ADAM10: variants seen among roughly 807,000 people sequenced by gnomAD.
ADAM10 encodes the protein disintegrin and metalloproteinase domain-containing protein 10.
In ADAM10, 17 loss-of-function variants were observed where a neutral mutation model predicts 90.1. The ratio of observed to expected loss-of-function variants is 0.19; its 90% CI spans 0.13 to 0.28. The LOEUF is 0.28. ADAM10 is among the 10% of genes least tolerant of loss of function. The probability of loss-of-function intolerance (pLI) is 1.00; values close to 1 mark genes in which losing one functional copy is unlikely to be tolerated. For missense variants in ADAM10, 610 were observed against 914.3 expected (o/e 0.67, Z 4.29); for synonymous variants, 310 against 298.6 (o/e 1.04, Z -0.40).
Position 58,691,225 on chromosome 15 carries a change from C to T in ADAM10, c.207-8911G>A, listed in dbSNP as rs187454168. ...AGCCTGCAGAGGTTCTCAAACTTTACGTTGCTCTCCTCCATTATCTTCTTC... is the reference window on the plus strand; with the variant it reads ...AGCCTGCAGAGGTTCTCAAACTTTATGTTGCTCTCCTCCATTATCTTCTTC... On this transcript the variant is annotated intron_variant, in intron 2 of 15. Transcript: ENST00000260408. The T allele has an allele frequency of 2.2e-5, 19 of 852,732 alleles. No homozygotes were observed. In the Admixed American group the frequency reaches 2.6e-4, roughly 12 times the overall value. 52.8% of individuals were successfully genotyped at this position (852,732 alleles called of 1,614,324 possible). A position where few individuals can be genotyped will look rare whatever the true frequency, so the allele number is the denominator to read the frequency against.
chr15:58,709,408 T>C (rs1478179768), intron 2 of ADAM10, among the ~76,000 whole-genome samples: 5 of 152,196 alleles, frequency 3.3e-5, no homozygotes, highest in African/African-American at 9.7e-5. Flanking sequence ...TGACATTCAC[T>C]GTCTAGGTCA....
chr15:58,712,638 T>C (rs1230868073), intron 2 of ADAM10, among the ~76,000 whole-genome samples: 1 of 148,336 alleles, frequency 6.7e-6, no homozygotes, highest in African/African-American at 2.5e-5. Flanking sequence ...GCTCACATGG[T>C]GAAGCCCCGT....
intron 5 of ADAM10, among the ~76,000 whole-genome samples, chr15:58,659,404 T>C (rs1596038995): frequency 6.6e-6 from 1 of 152,140 alleles, no homozygotes; most frequent in Non-Finnish European, 1.5e-5. Flanking sequence ...TTCCTTCTAT[T>C]TTTAGTTTGC....
At position 58,725,868 on chromosome 15, in the gene ADAM10, C is replaced by A. The variant is rs371951219; in HGVS notation, c.56-8141G>T. 1.3e-5 allele frequency among the ~76,000 whole-genome samples: 2 copies of A among 152,228 alleles called. 1 individual carries two copies. On this transcript the variant is annotated intron_variant, in intron 1 of 15. Transcript: ENST00000260408. ...TGAGAAGAGGAGGTGAAACGAAGCC[C>A]TTCTGGGCTTCAAAGCTTACAATGC...
At chr15:58,742,236 G>A (rs946339805) in intron 1 of ADAM10, among the ~76,000 whole-genome samples, 4 of 152,114 alleles carry the variant, frequency 2.6e-5, no homozygotes, top group Non-Finnish European at 4.4e-5. Context: ...ACTTGCAGTA[G>A]TACAAGTGGA....
chr15:58,666,207 A>T (rs1897080076), intron 4 of ADAM10, among the ~76,000 whole-genome samples: 1 of 150,004 alleles, frequency 6.7e-6, no homozygotes, highest in Non-Finnish European at 1.5e-5. Context: ...CCCACAGTCA[A>T]TTATTATTAT....
In ADAM10 at chr15:58,646,216, A is replaced by T; in HGVS notation, c.586-12T>A. On this transcript the variant is annotated splice_polypyrimidine_tract_variant and intron_variant, in intron 5 of 15. Transcript: ENST00000260408. ...TCTTCTTGAGGTATCTATACATCAA[A>T]AAGTCATTTCTGACAATTAGTATGC... 4 of 1,610,452 alleles carry T rather than the reference A, an allele frequency of 2.5e-6. No individual in the cohort carries two copies. The highest frequency in any genetic ancestry group is 3.4e-6 in the Non-Finnish European group (4 of 1,179,102).
At chr15:58,744,581 T>C (rs1347773774) in intron 1 of ADAM10, among the ~76,000 whole-genome samples, 1 of 152,168 alleles carries the variant, frequency 6.6e-6, no homozygotes, top group African/African-American at 2.4e-5. Flanking sequence ...AAACAGAAAC[T>C]ACAATAGAAC....
chr15:58,749,665 C>A lies in ADAM10; in HGVS notation c.-131G>T. 6.8e-7 allele frequency: 1 copy of A among 1,476,064 alleles called. No homozygotes were observed. Among genetic ancestry groups the A allele is most frequent in the Admixed American group, 2.2e-5 (1 of 45,612 alleles). The allele number at this position is 1,476,064 out of a possible 1,614,324, so 91.4% of individuals were successfully genotyped here. On this transcript the variant is annotated 5_prime_UTR_variant, in exon 1 of 16. Coordinates refer to ENST00000260408, the MANE Select transcript of ADAM10 (RefSeq NM_001110.4). ...CCGGGACCTCCCCTGGCAGGAGAAA[C>A]GGCGAAGCACCTCCCTCTCGCTCCA...
chr15:58,692,347 G>C (rs758154076), intron 2 of ADAM10: 4 of 604,522 alleles, frequency 6.6e-6, no homozygotes, highest in Non-Finnish European at 1.3e-5. Context: ...GGTCCAAATC[G>C]GCTTGGTCTG....
chr15:58,624,340 A>G (rs1392548380), intron 10 of ADAM10, among the ~76,000 whole-genome samples: 1 of 152,174 alleles, frequency 6.6e-6, no homozygotes, highest in African/African-American at 2.4e-5. Context: ...CTGCACATAT[A>G]TACTAGGTGA....
chr15:58,744,205 C>T (rs868104856), intron 1 of ADAM10, among the ~76,000 whole-genome samples: 8 of 146,136 alleles, frequency 5.5e-5, no homozygotes, highest in Middle Eastern at 3.5e-3. Flanking sequence ...AACCTCAATG[C>T]TAAACTCTAC....
intron 1 of ADAM10, among the ~76,000 whole-genome samples, chr15:58,720,623 G>C (rs956682504): frequency 6.7e-6 from 1 of 149,944 alleles, no homozygotes; most frequent in Non-Finnish European, 1.5e-5. Context: ...GGATAGTCTC[G>C]ATCTCCTGAC....
At position 58,710,654 on chromosome 15, in the gene ADAM10, A is replaced by G. The variant is rs1595644149; in HGVS notation, c.206+6923T>C. ...CTGACACGAAGTAGGTACTAAATAAATATTATTTTCCTTTGGGAATTTTTG... is the reference window on the plus strand; with the variant it reads ...CTGACACGAAGTAGGTACTAAATAAGTATTATTTTCCTTTGGGAATTTTTG... On this transcript the variant is annotated intron_variant, in intron 2 of 15. Transcript: ENST00000260408. 2.6e-5 allele frequency among the ~76,000 whole-genome samples: 4 copies of G among 152,308 alleles called. No individual in the cohort carries two copies. The East Asian group carries it at 7.7e-4, about 29-fold the overall frequency.
chr15:58,695,742 G>C (rs1222168152), intron 2 of ADAM10, among the ~76,000 whole-genome samples: 1 of 152,124 alleles, frequency 6.6e-6, no homozygotes, highest in African/African-American at 2.4e-5. Context: ...AACATTTTGG[G>C]AGGCTGAGGC....
chr15:58,698,538 T>C (rs1898043613), intron 2 of ADAM10: 1 of 186,370 alleles, frequency 5.4e-6, no homozygotes, highest in South Asian at 7.7e-5. Context: ...ATCGCATCAA[T>C]GTACTCTAGC....
rs753873587 is a variant in ADAM10, at chr15:58,692,314, T to C, written c.207-10000A>G. On this transcript the variant is annotated intron_variant, in intron 2 of 15. Transcript: ENST00000260408. Reference sequence around the variant, plus strand: ...CTTGTAGAATTCTCCACACTCTTCCTGGGTGATGTCATCAGGGTTTCTGGT... The same window carrying C: ...CTTGTAGAATTCTCCACACTCTTCCCGGGTGATGTCATCAGGGTTTCTGGT... 4.9e-6 allele frequency: 3 copies of C among 608,196 alleles called. No individual in the cohort carries two copies. In the East Asian group the frequency reaches 1.2e-4, roughly 24 times the overall value. The allele number at this position is 608,196 out of a possible 1,614,324, so 37.7% of individuals were successfully genotyped here.
intron 14 of ADAM10, among the ~76,000 whole-genome samples, chr15:58,603,538 A>G (rs1311653096): frequency 5.3e-5 from 8 of 152,276 alleles, no homozygotes; most frequent in African/African-American, 1.7e-4. Flanking sequence ...TTCTCTTCCT[A>G]AAGTCATTAT....
chr15:58,714,292 T>TACACACAC (rs71116591), intron 2 of ADAM10, among the ~76,000 whole-genome samples: 4,205 of 142,858 alleles, frequency 0.029, 69 homozygotes, highest in South Asian at 0.071. Flanking sequence ...TACATACACA[T>TACACACAC]ACACACACAC....
Sources: gnomAD v4.1 joint callset for allele counts (sites outside exome capture counted in the v4.1 genomes callset) on GRCh38, gnomAD v4.1.1 for gene constraint, MANE v1.5 for transcripts, NCBI Gene and HGNC (gene_info 2026-07-23, HGNC 2026-07-21) for gene names.